DNAJC5B: variants seen among roughly 807,000 people sequenced by gnomAD.
DNAJC5B encodes DnaJ heat shock protein family (Hsp40) member C5 beta.
DNAJC5B carries 23 observed loss-of-function variants against 24.7 expected under a neutral mutation model. That is an observed-to-expected ratio of 0.93 (90% CI 0.67 to 1.32). The LOEUF is 1.32. DNAJC5B is among the 40% of genes most tolerant of loss of function. The probability of loss-of-function intolerance (pLI) is 0.00; values close to 1 mark genes in which losing one functional copy is unlikely to be tolerated. For synonymous variants in DNAJC5B, 101 were observed against 90.1 expected (o/e 1.12, Z -0.68); for missense variants, 238 against 240.8 (o/e 0.99, Z 0.08).
At chr8:66,022,357 G>A (rs1806150210) in intron 1 of DNAJC5B, among the ~76,000 whole-genome samples, 2 of 152,168 alleles carry the variant, frequency 1.3e-5, no homozygotes, top group Admixed American at 6.5e-5. Flanking sequence ...GAACTGTTCT[G>A]TTTACCAGTG....
At chr8:66,039,645 C>T (rs1806565606) in intron 1 of DNAJC5B, among the ~76,000 whole-genome samples, 1 of 152,074 alleles carries the variant, frequency 6.6e-6, no homozygotes, top group Admixed American at 6.6e-5. Flanking sequence ...CCACTGCGCC[C>T]AGCCCACTTT....
intron 1 of DNAJC5B, among the ~76,000 whole-genome samples, chr8:66,034,876 G>A (rs1806447763): frequency 2.0e-5 from 3 of 152,164 alleles, no homozygotes; most frequent in South Asian, 2.1e-4. Flanking sequence ...CTGCCTGGAC[G>A]CATGCTCAGA....
chr8:66,041,310 T>C (rs190546775), intron 1 of DNAJC5B, among the ~76,000 whole-genome samples: 4 of 152,332 alleles, frequency 2.6e-5, no homozygotes, highest in Admixed American at 2.6e-4. Flanking sequence ...ATATGAAATT[T>C]AAAAGAAAGA....
intron 5 of DNAJC5B, among the ~76,000 whole-genome samples, chr8:66,094,803 T>A (rs2128967061): frequency 6.6e-6 from 1 of 152,262 alleles, no homozygotes; most frequent in South Asian, 2.1e-4. Context: ...TTGTTAGACC[T>A]TCATATTTGA....
chr8:66,058,337 A>G (rs1807010987), intron 3 of DNAJC5B, among the ~76,000 whole-genome samples: 1 of 152,216 alleles, frequency 6.6e-6, no homozygotes, highest in Admixed American at 6.5e-5. Context: ...CCTGTAGTCC[A>G]GAAAGGTAGA....
intron 3 of DNAJC5B, among the ~76,000 whole-genome samples, chr8:66,071,471 T>C (rs928689355): frequency 2.0e-5 from 3 of 152,090 alleles, no homozygotes; most frequent in African/African-American, 4.8e-5. Context: ...CACTGGTCAT[T>C]AGAGAAATGC....
chr8:66,072,609 G>T lies in DNAJC5B; in HGVS notation c.120-4051G>T, dbSNP rs371273498. Among the ~76,000 whole-genome samples, 48 of 152,136 alleles carry T rather than the reference G, an allele frequency of 3.2e-4. No individual in the cohort carries two copies. In the East Asian group the frequency reaches 7.5e-3, roughly 24 times the overall value. ...ATTTTTAAATAGCTGGAAATTTTCC[G>T]TATGTTTGAAAATTAGGAGGTATAA... On this transcript the variant is annotated intron_variant, in intron 3 of 5. Transcript: ENST00000276570.
chr8:66,018,598 C>T (rs1372743923), upstream of DNAJC5B, among the ~76,000 whole-genome samples: 1 of 152,158 alleles, frequency 6.6e-6, no homozygotes, highest in East Asian at 1.9e-4. Flanking sequence ...AGTTTGGGAA[C>T]TTCTGGCCTA....
rs959889027 is a variant in DNAJC5B at position 66,054,641 on chromosome 8, G to C, written c.119+2975G>C. ...TTTGAAGAAAAAATGGCAATGGTGT[G>C]AACTGCAATTTGGAACCAAATAGTT... On this transcript the variant is annotated intron_variant, in intron 3 of 5. Transcript: ENST00000276570. Among the ~76,000 whole-genome samples, 4 of 152,216 alleles carry C rather than the reference G, an allele frequency of 2.6e-5. No individual in the cohort carries two copies. The East Asian group carries it at 7.7e-4, about 29-fold the overall frequency.
chr8:66,080,342 C>T (rs777961233), intron 4 of DNAJC5B, 35 bp from the exon 5 acceptor site: 2 of 1,594,274 alleles, frequency 1.3e-6, no homozygotes, highest in Non-Finnish European at 1.7e-6. Context: ...CCCATCACCC[C>T]TCATCCTCAT....
In DNAJC5B at chr8:66,080,567, A is replaced by G. The variant is rs750666882; in HGVS notation, c.505+19A>G. On this transcript the variant is annotated intron_variant, in intron 5 of 5. Coordinates refer to ENST00000276570, the MANE Select transcript of DNAJC5B (RefSeq NM_033105.6). ...GAAAAAGGTGGGGTAGGATGAGAGCAGAGGTAGTGAGTGTCCATTCATAGG... is the reference window on the plus strand; with the variant it reads ...GAAAAAGGTGGGGTAGGATGAGAGCGGAGGTAGTGAGTGTCCATTCATAGG... 6.4e-6 allele frequency: 10 copies of G among 1,571,598 alleles called. No individual in the cohort carries two copies. Among genetic ancestry groups the G allele is most frequent in the Non-Finnish European group, 8.6e-6 (10 of 1,157,228 alleles).
chr8:66,044,609 A>C (rs1806686113), intron 2 of DNAJC5B, among the ~76,000 whole-genome samples: 1 of 152,166 alleles, frequency 6.6e-6, no homozygotes, highest in Admixed American at 6.5e-5. Context: ...ACCTTCTTTC[A>C]GTTACATCCA....
chr8:66,093,017 G>A (rs1055822215), intron 5 of DNAJC5B, among the ~76,000 whole-genome samples: 3 of 152,014 alleles, frequency 2.0e-5, no homozygotes, highest in African/African-American at 7.2e-5. Context: ...CCCATTTTAT[G>A]TCTGTGTGTG....
intron 2 of DNAJC5B, among the ~76,000 whole-genome samples, chr8:66,044,534 T>C (rs1167081396): frequency 6.6e-6 from 1 of 151,988 alleles, no homozygotes; most frequent in Non-Finnish European, 1.5e-5. Context: ...GTAGGACCCC[T>C]GGAATTAGAA....
chr8:66,026,445 G>A (rs999211818), intron 1 of DNAJC5B, among the ~76,000 whole-genome samples: 1 of 152,228 alleles, frequency 6.6e-6, no homozygotes, highest in African/African-American at 2.4e-5. Context: ...ATGCAGCCTT[G>A]ACAAGTTTTA....
At chr8:66,035,449 A>G (rs755896551) in intron 1 of DNAJC5B, among the ~76,000 whole-genome samples, 1 of 152,220 alleles carries the variant, frequency 6.6e-6, no homozygotes, top group Non-Finnish European at 1.5e-5. Flanking sequence ...ATATGACTGG[A>G]GTCCTCCTTA....
At chr8:66,037,101 G>A (rs943076571) in intron 1 of DNAJC5B, among the ~76,000 whole-genome samples, 4 of 152,172 alleles carry the variant, frequency 2.6e-5, no homozygotes, top group African/African-American at 9.7e-5. Context: ...GGCCCTGGGG[G>A]AATGGAGGAT....
chr8:66,069,524 C>T (rs1183680800), intron 3 of DNAJC5B, among the ~76,000 whole-genome samples: 1 of 152,158 alleles, frequency 6.6e-6, no homozygotes. Flanking sequence ...AGTCGAATCC[C>T]TGAATAAACC....
chr8:66,061,191 G>A (rs1023191153), intron 3 of DNAJC5B, among the ~76,000 whole-genome samples: 1 of 152,134 alleles, frequency 6.6e-6, no homozygotes. Context: ...TAAGGTGGGA[G>A]GGTCTCTTGA....
Sources: gnomAD v4.1 joint callset for allele counts (sites outside exome capture counted in the v4.1 genomes callset) on GRCh38, gnomAD v4.1.1 for gene constraint, MANE v1.5 for transcripts, NCBI Gene and HGNC (gene_info 2026-07-23, HGNC 2026-07-21) for gene names.